Variants in HDAC4 observed in about 807,000 individuals in gnomAD.
The protein encoded by HDAC4 is histone deacetylase A.
Under a neutral mutation model 135.1 loss-of-function variants are expected in HDAC4, and 16 were observed. The observed-to-expected ratio is 0.12, with a 90% CI of 0.08 to 0.18. The LOEUF (loss-of-function observed/expected upper bound fraction) is 0.18, where lower values mean the gene tolerates loss of function less well. Ranked by LOEUF, HDAC4 falls within the 10% of genes least tolerant of loss-of-function variation. HDAC4 has a pLI of 1.00. For synonymous variants in HDAC4, 685 were observed against 653.4 expected (o/e 1.05, Z -0.74); for missense variants, 1,143 against 1,511.8 (o/e 0.76, Z 4.05).
chr2:239,066,983 G>T, intron 23 of HDAC4, 128 bp from the exon 24 acceptor site: 1 of 1,171,426 alleles, frequency 8.5e-7, no homozygotes, highest in Non-Finnish European at 1.2e-6. Context: ...GCCAGGCCGG[G>T]TTTCGTTTAA....
At chr2:239,127,180 T>A (rs542379830) in intron 11 of HDAC4, among the ~76,000 whole-genome samples, 3 of 152,292 alleles carry the variant, frequency 2.0e-5, no homozygotes, top group African/African-American at 7.2e-5. Flanking sequence ...GTCCTTAGGG[T>A]TGACATCGTT....
chr2:239,182,654 T>A (rs1056541229), intron 4 of HDAC4, among the ~76,000 whole-genome samples: 8 of 152,120 alleles, frequency 5.3e-5, no homozygotes, highest in Non-Finnish European at 1.2e-4. Context: ...AGATTATCTG[T>A]AGAGCAAAGC....
chr2:239,329,261 T>C (rs977580997), intron 2 of HDAC4, among the ~76,000 whole-genome samples: 2 of 152,150 alleles, frequency 1.3e-5, no homozygotes, highest in African/African-American at 4.8e-5. Flanking sequence ...AGGCGGGTCC[T>C]CCTATTGGAA....
intron 3 of HDAC4, among the ~76,000 whole-genome samples, chr2:239,210,996 A>G (rs1275619254): frequency 1.3e-5 from 2 of 152,206 alleles, no homozygotes; most frequent in African/African-American, 4.8e-5. Flanking sequence ...TACACATGCC[A>G]TCCTAAAAGA....
In HDAC4 at chr2:239,066,708, T is replaced by C; in HGVS notation, c.3003+14A>G. On this transcript the variant is annotated intron_variant, in intron 24 of 26. Transcript: ENST00000543185. ...AGTGTGGAGCATCCTGTGGGGTCTC[T>C]GGGGTCTTCCTACCTCGTTTCCCAG... 1 of 1,613,472 alleles carries C rather than the reference T, an allele frequency of 6.2e-7. No homozygotes were observed. Among genetic ancestry groups the C allele is most frequent in the Admixed American group, 1.7e-5 (1 of 60,020 alleles).
At position 239,375,056 on chromosome 2, in the gene HDAC4, G is replaced by A. The variant is rs187115801; in HGVS notation, c.-219-22138C>T. Among the ~76,000 whole-genome samples the A allele has an allele frequency of 6.9e-3, 1,055 of 152,360 alleles. 5 individuals carry two copies. Among genetic ancestry groups the A allele is most frequent in the Non-Finnish European group, 0.011 (726 of 68,032 alleles). On this transcript the variant is annotated intron_variant, in intron 1 of 26. Transcript: ENST00000543185. ...CAGACTCAGGAGTTGCCTGCTGCGG[G>A]CAGGAAGGGCAGCCGCAGGGGTCTG... is the stretch of plus-strand genomic sequence containing the variant.
intron 7 of HDAC4, among the ~76,000 whole-genome samples, chr2:239,147,048 C>T (rs1334540602): frequency 6.6e-6 from 1 of 152,202 alleles, no homozygotes; most frequent in Non-Finnish European, 1.5e-5. Context: ...TCGTCCCTGC[C>T]CCGTGGGCTA....
intron 3 of HDAC4, among the ~76,000 whole-genome samples, chr2:239,215,502 C>CCTCACATCTG (rs1309015276): frequency 1.3e-5 from 2 of 152,142 alleles, no homozygotes; most frequent in African/African-American, 4.8e-5. Context: ...TCGCCAACCT[C>CCTCACATCTG]CTCACATCTG....
chr2:239,210,253 T>C (rs1014513675), intron 3 of HDAC4, among the ~76,000 whole-genome samples: 18 of 151,974 alleles, frequency 1.2e-4, no homozygotes, highest in Non-Finnish European at 2.2e-4. Context: ...GGCATGAAAG[T>C]GAACGAATCC....
chr2:239,329,580 G>C (rs945806795), intron 2 of HDAC4, among the ~76,000 whole-genome samples: 1 of 151,620 alleles, frequency 6.6e-6, no homozygotes, highest in Non-Finnish European at 1.5e-5. Context: ...ACAGACACCC[G>C]TGCTCCATTT....
intron 1 of HDAC4, among the ~76,000 whole-genome samples, chr2:239,363,171 G>A (rs1693966150): frequency 6.6e-6 from 1 of 152,152 alleles, no homozygotes; most frequent in African/African-American, 2.4e-5. Context: ...ATACAAGGAG[G>A]AATATACCAT....
chr2:239,265,014 T>C (rs908472249), intron 2 of HDAC4, among the ~76,000 whole-genome samples: 11 of 152,090 alleles, frequency 7.2e-5, no homozygotes, highest in African/African-American at 2.7e-4. Context: ...GCAGGCCCAA[T>C]GCGGGCTGAA....
rs2152852012 is a variant in HDAC4, at chr2:239,126,630, C to T, written c.1359G>A (p.Arg453=). The stretch of plus-strand genomic sequence containing the variant: ...GCAGCTTGTGGATGGAGGGGGACAC[C>T]CGGTCTGCACCAACCAAGGACTGTG... ...LHAQSLVGAD[R]VSPSIHKLRQ... Residue 453 remains arginine, a synonymous_variant, in exon 12 of 27, where the codon CGG becomes CGA. Transcript: ENST00000543185. 3 of 1,614,014 alleles carry T rather than the reference C, an allele frequency of 1.9e-6. No homozygotes were observed. Among genetic ancestry groups the T allele is most frequent in the Non-Finnish European group, 2.5e-6 (3 of 1,179,984 alleles).
chr2:239,065,349 G>A (rs934723493), intron 24 of HDAC4, among the ~76,000 whole-genome samples: 6 of 152,242 alleles, frequency 3.9e-5, no homozygotes, highest in Non-Finnish European at 5.9e-5. Flanking sequence ...GCACTGACCC[G>A]AGGGCATCTG....
intron 3 of HDAC4, among the ~76,000 whole-genome samples, chr2:239,194,433 C>T (rs1051624627): frequency 3.9e-5 from 6 of 152,180 alleles, no homozygotes; most frequent in Non-Finnish European, 5.9e-5. Flanking sequence ...ACGCTGCTGC[C>T]GGGGAATTCT....
intron 7 of HDAC4, among the ~76,000 whole-genome samples, chr2:239,153,396 C>T (rs1032124469): frequency 1.3e-5 from 2 of 152,182 alleles, no homozygotes; most frequent in African/African-American, 4.8e-5. Context: ...TATTTCAGTT[C>T]ATTCAAGGAA....
At chr2:239,225,099 A>C (rs2047167150) in intron 3 of HDAC4, among the ~76,000 whole-genome samples, 1 of 152,246 alleles carries the variant, frequency 6.6e-6, no homozygotes, top group Admixed American at 6.5e-5. Context: ...GGAAACAAAA[A>C]ACACTTCTAA....
At chr2:239,265,725 A>G (rs1252824832) in intron 2 of HDAC4, among the ~76,000 whole-genome samples, 1 of 152,260 alleles carries the variant, frequency 6.6e-6, no homozygotes, top group African/African-American at 2.4e-5. Flanking sequence ...GCTCAAGGTC[A>G]GCCAGCTCTG....
chr2:239,205,759 C>T (rs2046008683), intron 3 of HDAC4, among the ~76,000 whole-genome samples: 1 of 152,016 alleles, frequency 6.6e-6, no homozygotes, highest in Admixed American at 6.6e-5. Context: ...AGAAGTTTAC[C>T]TAACTTGTGG....
Sources: gnomAD v4.1 joint callset for allele counts (sites outside exome capture counted in the v4.1 genomes callset) on GRCh38, gnomAD v4.1.1 for gene constraint, MANE v1.5 for transcripts, NCBI Gene and HGNC (gene_info 2026-07-23, HGNC 2026-07-21) for gene names.